The following HS6ST3 variants were observed in gnomAD, a reference collection of about 807,000 sequenced individuals.
HS6ST3 encodes the protein heparan sulfate 6-O-sulfotransferase 3, also known as heparan-sulfate 6-O-sulfotransferase 3.
A neutral mutation model predicts 36.7 loss-of-function variants in HS6ST3; 12 were observed. The ratio of observed to expected loss-of-function variants is 0.33; its 90% confidence interval spans 0.21 to 0.53. HS6ST3 has a LOEUF of 0.53. Among genes scored for constraint, HS6ST3 ranks in the 20% least tolerant of loss-of-function variants. The pLI is 0.95. For missense variants in HS6ST3, 584 were observed against 640.9 expected, an observed-to-expected ratio of 0.91 and a Z score of 0.96; for synonymous variants, 240 against 257.5, an observed-to-expected ratio of 0.93 and a Z score of 0.65.
At chr13:96,189,538 A>G (rs572979617) in intron 1 of HS6ST3, among the ~76,000 whole-genome samples, 2 of 152,206 alleles carry the variant, frequency 1.3e-5, no homozygotes, top group African/African-American at 4.8e-5. Context: ...ATCTTGAGGT[A>G]TGCACTTTCG....
rs67979751 is a variant in HS6ST3 at position 96,614,297 on chromosome 13, C to CAAAAAAAA, written c.708-218169_708-218162dup. Among the ~76,000 whole-genome samples, 130 of 43,990 alleles carry CAAAAAAAA rather than the reference C, an allele frequency of 3.0e-3. 7 individuals carry two copies. The highest frequency in any genetic ancestry group is 3.4e-3 in the Non-Finnish European group (89 of 26,546). 28.9% of individuals were successfully genotyped at this position (43,990 alleles called of 152,430 possible). On this transcript the variant is annotated intron_variant, in intron 1 of 1. Transcript: ENST00000376705. Reference sequence around the variant, plus strand: ...TGGGCAACAGAGCAAGGATCCATCTCAAAAAAAAAAAAAAAAAAAAAAAAA... The same window carrying CAAAAAAAA: ...TGGGCAACAGAGCAAGGATCCATCTCAAAAAAAAAAAAAAAAAAAAAAAAAAAAAAAAA...
intron 1 of HS6ST3, among the ~76,000 whole-genome samples, chr13:96,198,358 TA>T (rs1372114412): frequency 6.6e-6 from 1 of 152,198 alleles, no homozygotes; most frequent in Non-Finnish European, 1.5e-5. Flanking sequence ...GGATTAACAA[TA>T]AGCTCCTTGC....
chr13:96,219,602 A>G (rs1254453346), intron 1 of HS6ST3, among the ~76,000 whole-genome samples: 1 of 152,090 alleles, frequency 6.6e-6, no homozygotes, highest in Non-Finnish European at 1.5e-5. Flanking sequence ...TTTCAACCCT[A>G]TTCTTTCAAC....
At chr13:96,269,997 C>T (rs746727576) in intron 1 of HS6ST3, among the ~76,000 whole-genome samples, 3 of 151,924 alleles carry the variant, frequency 2.0e-5, no homozygotes, top group Admixed American at 6.6e-5. Flanking sequence ...AGAATGCAGC[C>T]AAGGGCAACC....
At chr13:96,692,520 A>G (rs1271219876) in intron 1 of HS6ST3, among the ~76,000 whole-genome samples, 1 of 152,174 alleles carries the variant, frequency 6.6e-6, no homozygotes, top group Non-Finnish European at 1.5e-5. Context: ...ACTTGCCACT[A>G]TTATGTTCCC....
intron 1 of HS6ST3, among the ~76,000 whole-genome samples, chr13:96,198,611 G>A (rs959581860): frequency 1.5e-4 from 23 of 152,144 alleles, no homozygotes; most frequent in Non-Finnish European, 2.9e-4. Context: ...TAGGGCAGGG[G>A]CAAAATGCTG....
chr13:96,648,483 CTT>C lies in HS6ST3; in HGVS notation c.708-183994_708-183993del, dbSNP rs10716120. 4.2e-3 allele frequency among the ~76,000 whole-genome samples: 588 copies of C among 140,948 alleles called. 6 individuals carry two copies. The highest frequency in any genetic ancestry group is 9.6e-3 in the African/African-American group (373 of 38,846). 92.5% of individuals were successfully genotyped at this position (140,948 alleles called of 152,430 possible). The stretch of plus-strand genomic sequence containing the variant: ...TCATATGCTGAGCACTTTCCACTTT[CTT>C]TTTTTTTTTTTTATTTTATTTTAAC... On this transcript the variant is annotated intron_variant, in intron 1 of 1. Coordinates refer to ENST00000376705, the MANE Select transcript of HS6ST3 (RefSeq NM_153456.4).
chr13:96,200,740 G>A (rs2054337697), intron 1 of HS6ST3, among the ~76,000 whole-genome samples: 1 of 152,176 alleles, frequency 6.6e-6, no homozygotes, highest in African/African-American at 2.4e-5. Context: ...ACAATGCCCA[G>A]CTATACTTTT....
chr13:96,435,766 CAAAACTTCTGTATAGTTT>C (rs1447378650), intron 1 of HS6ST3, among the ~76,000 whole-genome samples: 1 of 151,470 alleles, frequency 6.6e-6, no homozygotes, highest in Admixed American at 6.6e-5. Flanking sequence ...AAAATAAAAA[CAAAACTTCTGTATAGTTT>C]TTCCCTAAGT....
intron 1 of HS6ST3, among the ~76,000 whole-genome samples, chr13:96,434,061 G>T (rs533928949): frequency 8.5e-5 from 13 of 152,222 alleles, no homozygotes; most frequent in Non-Finnish European, 1.5e-4. Context: ...GAAACAGGAA[G>T]AAGATAGCAG....
At chr13:96,488,405 T>C (rs1217195913) in intron 1 of HS6ST3, among the ~76,000 whole-genome samples, 5 of 152,146 alleles carry the variant, frequency 3.3e-5, no homozygotes, top group African/African-American at 4.8e-5. Context: ...TACTATAGTA[T>C]GTTATTTAAA....
chr13:96,115,401 C>A (rs984757910), intron 1 of HS6ST3, among the ~76,000 whole-genome samples: 6 of 152,188 alleles, frequency 3.9e-5, no homozygotes, highest in Non-Finnish European at 4.4e-5. Context: ...CCTCCCCTCA[C>A]ACCCCATCCC....
At chr13:96,736,122 G>A (rs1452085704) in intron 1 of HS6ST3, among the ~76,000 whole-genome samples, 1 of 152,002 alleles carries the variant, frequency 6.6e-6, no homozygotes. Context: ...ATGGATACTA[G>A]GCTTAATACC....
chr13:96,591,055 GTT>G (rs58622082), intron 1 of HS6ST3, among the ~76,000 whole-genome samples: 63 of 140,746 alleles, frequency 4.5e-4, no homozygotes, highest in African/African-American at 1.6e-3. Context: ...CTAGATGTCT[GTT>G]TTTTTTTTTT....
intron 1 of HS6ST3, among the ~76,000 whole-genome samples, chr13:96,113,635 T>A (rs527576824): frequency 2.6e-5 from 4 of 152,356 alleles, no homozygotes; most frequent in Admixed American, 6.5e-5. Context: ...TCGGTTCTCA[T>A]GAAATTATGG....
At chr13:96,470,629 AAAATGTAAG>A (rs2055836041) in intron 1 of HS6ST3, among the ~76,000 whole-genome samples, 1 of 152,148 alleles carries the variant, frequency 6.6e-6, no homozygotes, top group Admixed American at 6.5e-5. Context: ...ATGCATCTTG[AAAATGTAAG>A]AGTTGTCTAC....
chr13:96,514,974 G>A (rs773389473), intron 1 of HS6ST3, among the ~76,000 whole-genome samples: 11 of 152,204 alleles, frequency 7.2e-5, no homozygotes, highest in African/African-American at 2.7e-4. Flanking sequence ...ATTAGTATTT[G>A]AAAGTCAGAG....
intron 1 of HS6ST3, among the ~76,000 whole-genome samples, chr13:96,784,957 C>T (rs928231841): frequency 6.6e-6 from 1 of 152,180 alleles, no homozygotes; most frequent in Non-Finnish European, 1.5e-5. Context: ...CGCTTGAGGT[C>T]AGGAGTTCAA....
At chr13:96,094,859 T>C (rs2139291528) in intron 1 of HS6ST3, among the ~76,000 whole-genome samples, 1 of 152,288 alleles carries the variant, frequency 6.6e-6, no homozygotes, top group East Asian at 1.9e-4. Flanking sequence ...TTTTTTCCCA[T>C]TATTTTTGTG....
Sources: allele counts gnomAD v4.1 joint callset (sites outside exome capture counted in the v4.1 genomes callset), GRCh38; gene constraint gnomAD v4.1.1; transcripts MANE v1.5; gene names NCBI Gene and HGNC (gene_info 2026-07-23, HGNC 2026-07-21).